The following ADAM21 variants were observed in gnomAD, a reference collection of about 807,000 sequenced individuals.
ADAM21 encodes disintegrin and metalloproteinase domain-containing protein 21.
For synonymous variants in ADAM21, 262 were observed against 306.0 expected (o/e 0.86, Z 1.50); for missense variants, 678 against 874.4 (o/e 0.78, Z 2.83).
intron 1 of ADAM21, among the ~76,000 whole-genome samples, chr14:70,454,956 G>A (rs1337940710): frequency 6.6e-6 from 1 of 152,224 alleles, no homozygotes; most frequent in African/African-American, 2.4e-5. Context: ...TGGAGAACAG[G>A]AACTCTGGTC....
Position 70,459,841 on chromosome 14 carries a change from A to T in ADAM21, c.*173A>T. On this transcript the variant is annotated 3_prime_UTR_variant, in exon 2 of 2. Coordinates refer to ENST00000603540, the MANE Select transcript of ADAM21 (RefSeq NM_003813.4). ...TGTCATTAAGTTCAAGTTATTCTTA[A>T]CATGTTTCTATCTATTGTTTATTGT... The T allele has an allele frequency of 1.3e-6, 1 of 770,378 alleles. No individual in the cohort carries two copies. 47.7% of individuals were successfully genotyped at this position (770,378 alleles called of 1,614,324 possible).
rs765290008 is a variant in ADAM21 at position 70,459,430 on chromosome 14, T to C, written c.1931T>C (p.Ile644Thr). ...CLPETCNMKG[I>T]CNNKHHCHCG... ...CCTGAGACCTGCAATATGAAGGGGA[T>C]CTGCAATAACAAACATCACTGCCAC... Residue 644 changes from isoleucine (I) to threonine (T), a missense_variant, in exon 2 of 2, where the codon ATC becomes ACC. Physicochemically the swap from Ile to Thr is moderately conservative, Grantham distance 89. Coordinates refer to ENST00000603540, the MANE Select transcript of ADAM21 (RefSeq NM_003813.4). The C allele has an allele frequency of 2.5e-6, 4 of 1,614,120 alleles. No individual in the cohort carries two copies. In the African/African-American group the frequency reaches 5.3e-5, roughly 22 times the overall value.
Position 70,458,939 on chromosome 14 carries a change from A to T in ADAM21, c.1440A>T (p.Thr480=), listed in dbSNP as rs61734856. The change falls in exon 2 of 2, where the codon ACA becomes ACT. Residue 480 remains threonine (T), a synonymous_variant. Transcript: ENST00000603540. ...ACCTTCCAGAATGGTGCAATGGAAC[A>T]TCTCATCAGTGTCCAGAAGATAGAT... ...ECDLPEWCNG[T]SHQCPEDRYV... 1.7e-3 allele frequency: 2,680 copies of T among 1,614,194 alleles called. 35 individuals are homozygous for T. In the African/African-American group the frequency reaches 0.031, roughly 19 times the overall value.
chr14:70,457,366 A>G lies in ADAM21; in HGVS notation c.-134A>G. The G allele has an allele frequency of 7.2e-7, 1 of 1,394,976 alleles. No individual in the cohort carries two copies. The highest frequency in any genetic ancestry group is 1.3e-5 in the South Asian group (1 of 76,784). 86.4% of individuals were successfully genotyped at this position (1,394,976 alleles called of 1,614,324 possible). On this transcript the variant is annotated 5_prime_UTR_variant, in exon 2 of 2. Transcript: ENST00000603540. ...ACTTCCAGCACTGCAGTTCTGATCT[A>G]ACTCTGCCAGGACACAGATCCACAG...
At chr14:70,452,509 G>A (rs919177654) in intron 1 of ADAM21, among the ~76,000 whole-genome samples, 2 of 152,170 alleles carry the variant, frequency 1.3e-5, no homozygotes, top group African/African-American at 4.8e-5. Context: ...GGGACTGCAG[G>A]TGCCCGCCAC....
At chr14:70,453,194 A>G (rs561378551) in intron 1 of ADAM21, among the ~76,000 whole-genome samples, 1 of 152,242 alleles carries the variant, frequency 6.6e-6, no homozygotes, top group Non-Finnish European at 1.5e-5. Flanking sequence ...TTTCTGTTCT[A>G]TTTCCTCAAG....
intron 1 of ADAM21, among the ~76,000 whole-genome samples, chr14:70,453,766 T>A (rs996006542): frequency 2.6e-5 from 4 of 152,182 alleles, no homozygotes; most frequent in Non-Finnish European, 1.5e-5. Flanking sequence ...CAGTTAGAAT[T>A]TCATCCCAAT....
At chr14:70,452,691 G>T (rs1489780100) in intron 1 of ADAM21, among the ~76,000 whole-genome samples, 1 of 152,206 alleles carries the variant, frequency 6.6e-6, no homozygotes, top group Non-Finnish European at 1.5e-5. Context: ...AGATATGAGT[G>T]ACTTGAGCAT....
At chr14:70,455,500 A>C (rs1214013954) in intron 1 of ADAM21, among the ~76,000 whole-genome samples, 1 of 152,182 alleles carries the variant, frequency 6.6e-6, no homozygotes, top group Non-Finnish European at 1.5e-5. Flanking sequence ...TTAGCATAAG[A>C]AAGAAGCTGC....
rs61979128 is a variant in ADAM21, at chr14:70,459,209, C to A, written c.1710C>A (p.Asp570Glu). ...CGRVQCENVR[D>E]IPLLQDHFTL... The stretch of plus-strand genomic sequence containing the variant: ...GAGTTCAATGTGAGAATGTGAGAGA[C>A]ATTCCTCTTCTCCAAGATCATTTTA... Residue 570 changes from aspartate to glutamate, a missense_variant, in exon 2 of 2, where the codon GAC becomes GAA. Physicochemically the swap from Asp to Glu is conservative, Grantham distance 45. Transcript: ENST00000603540. 5.0e-6 allele frequency: 8 copies of A among 1,613,926 alleles called. No homozygotes were observed. The highest frequency in any genetic ancestry group is 6.8e-6 in the Non-Finnish European group (8 of 1,180,002).
rs1330004070 is a variant in ADAM21 at position 70,458,113 on chromosome 14, C to T, written c.614C>T (p.Thr205Ile). 5.0e-6 allele frequency: 8 copies of T among 1,614,078 alleles called. No individual in the cohort carries two copies. Among genetic ancestry groups the T allele is most frequent in the African/African-American group, 1.3e-5 (1 of 75,002 alleles). Residue 205 changes from threonine (T) to isoleucine (I), a missense_variant, in exon 2 of 2, where the codon ACT (threonine) becomes ATT (isoleucine). Transcript: ENST00000603540. Reference protein sequence around the residue: ...LEPKSAGDWWTHAWFLELVVV... With the variant: ...LEPKSAGDWWIHAWFLELVVV... ...CCAAAATCTGCTGGTGACTGGTGGACTCATGCATGGTTTCTGGAGCTAGTT... is the reference window on the plus strand; with the variant it reads ...CCAAAATCTGCTGGTGACTGGTGGATTCATGCATGGTTTCTGGAGCTAGTT...
Position 70,456,307 on chromosome 14 carries a change from A to G in ADAM21, c.-151-1042A>G, listed in dbSNP as rs118061452. The stretch of plus-strand genomic sequence containing the variant: ...TCTAGCACAATGTCCTGCACTTTGT[A>G]TGCTCCAAACACATAAAGACTTGTT... On this transcript the variant is annotated intron_variant, in intron 1 of 1. Transcript: ENST00000603540. 8.9e-3 allele frequency among the ~76,000 whole-genome samples: 1,358 copies of G among 152,304 alleles called. 11 individuals carry two copies. Among genetic ancestry groups the G allele is most frequent in the Non-Finnish European group, 0.011 (759 of 67,992 alleles).
At chr14:70,455,496 TAAGA>T (rs959813846) in intron 1 of ADAM21, among the ~76,000 whole-genome samples, 7 of 152,094 alleles carry the variant, frequency 4.6e-5, no homozygotes, top group African/African-American at 1.2e-4. Flanking sequence ...TTATTTAGCA[TAAGA>T]AAGAAGCTGC....
At chr14:70,453,273 G>A (rs1018825974) in intron 1 of ADAM21, 1 of 152,188 alleles carries the variant, frequency 6.6e-6, no homozygotes, top group African/African-American at 2.4e-5. Context: ...ATTAGTGACA[G>A]ACAGATAGGA....
chr14:70,452,422 G>A (rs1889049684), intron 1 of ADAM21, among the ~76,000 whole-genome samples, 159 bp downstream of exon 1: 1 of 152,136 alleles, frequency 6.6e-6, no homozygotes, highest in Non-Finnish European at 1.5e-5. Flanking sequence ...CTGGAGTGCA[G>A]TGGCGCGATC....
chr14:70,456,834 T>G (rs1377244340), intron 1 of ADAM21, among the ~76,000 whole-genome samples: 2 of 152,178 alleles, frequency 1.3e-5, no homozygotes, highest in Non-Finnish European at 2.9e-5. Context: ...CAAGAATCTT[T>G]CAGTCTAATG....
rs765199998 is a variant in ADAM21, at chr14:70,458,515, T to C, written c.1016T>C (p.Val339Ala). Residue 339 changes from valine (V) to alanine (A), a missense_variant, in exon 2 of 2, where the codon GTG becomes GCG. Val to Ala is a moderately conservative substitution (Grantham distance 64). Transcript: ENST00000603540. ...GDTWSLFANT[V>A]AHELGHTLGM... is the part of the protein sequence containing the mutation. ...ACCTGGTCTCTTTTTGCCAACACTGTGGCCCATGAGTTAGGTCATACGTTA... is the reference window on the plus strand; with the variant it reads ...ACCTGGTCTCTTTTTGCCAACACTGCGGCCCATGAGTTAGGTCATACGTTA... 1.2e-5 allele frequency: 20 copies of C among 1,613,500 alleles called. No individual in the cohort carries two copies. Among genetic ancestry groups the C allele is most frequent in the South Asian group, 5.5e-5 (5 of 91,032 alleles).
rs929283983 is a variant in ADAM21 at position 70,452,363 on chromosome 14, TTTTG to T, written c.-152+116_-152+119del. ...TTAATTTTTGTTTTGTTTTCATTTT[TTTTG>T]TTTGTTTGTTTGTTTTGAGATGGAG... On this transcript the variant is annotated intron_variant, in intron 1 of 1. Transcript: ENST00000603540. 61 of 153,600 alleles carry T rather than the reference TTTTG, an allele frequency of 4.0e-4. 1 individual carries two copies. The highest frequency in any genetic ancestry group is 6.2e-4 in the Non-Finnish European group (43 of 69,098). The allele number at this position is 153,600 out of a possible 1,614,324, so 9.5% of individuals were successfully genotyped here. A position where few individuals can be genotyped will look rare whatever the true frequency, so the allele number is the denominator to read the frequency against.
rs1212970598 is a variant in ADAM21, at chr14:70,457,649, C to A, written c.150C>A (p.Ser50Arg). 1.9e-6 allele frequency: 3 copies of A among 1,613,620 alleles called. No individual in the cohort carries two copies. In the East Asian group the frequency reaches 6.7e-5, roughly 36 times the overall value. ...TGGTGATCCCCTTGAAGGTGATCAG[C>A]AGGGGCAGAAGTGCAAAGGCTCCTG... is the stretch of plus-strand genomic sequence containing the variant. ...PEVVIPLKVI[S>R]RGRSAKAPGW... Residue 50 changes from serine (S) to arginine (R), a missense_variant, in exon 2 of 2, where the codon AGC becomes AGA. Physicochemically the swap from Ser to Arg is moderately radical, Grantham distance 110 (BLOSUM62 -1). Coordinates refer to ENST00000603540, the MANE Select transcript of ADAM21 (RefSeq NM_003813.4).
Sources: allele counts gnomAD v4.1 joint callset (sites outside exome capture counted in the v4.1 genomes callset), GRCh38; gene constraint gnomAD v4.1.1; transcripts MANE v1.5; gene names NCBI Gene and HGNC (gene_info 2026-07-23, HGNC 2026-07-21).